Variants in AIMP1 observed in about 807,000 individuals in gnomAD.
The protein encoded by AIMP1 is aminoacyl tRNA synthase complex-interacting multifunctional protein 1.
A neutral mutation model predicts 33.1 loss-of-function variants in AIMP1; 24 were observed. The ratio of observed to expected loss-of-function variants is 0.73; its 90% CI spans 0.53 to 1.02. The LOEUF is 1.02. AIMP1 is among the 50% of genes least tolerant of loss of function. AIMP1 has a pLI of 0.00. For missense variants in AIMP1, 367 were observed against 364.8 expected (o/e 1.01, Z -0.05); for synonymous variants, 120 against 121.5 (o/e 0.99, Z 0.08).
chr4:106,345,156 T>C (rs2125929760), intron 6 of AIMP1, among the ~76,000 whole-genome samples: 1 of 152,340 alleles, frequency 6.6e-6, no homozygotes, highest in East Asian at 1.9e-4. Context: ...AGGTTAATTT[T>C]GTGCTGCATC....
At chr4:106,342,721 A>G (rs368904539) in intron 6 of AIMP1, among the ~76,000 whole-genome samples, 12 of 152,276 alleles carry the variant, frequency 7.9e-5, no homozygotes, top group African/African-American at 2.9e-4. Flanking sequence ...AGTGTTCATC[A>G]GAGATATTGG....
chr4:106,316,326 T>C (rs1330374601), upstream of AIMP1: 75 of 555,328 alleles, frequency 1.4e-4, no homozygotes, highest in East Asian at 2.3e-3. Context: ...CGAAAGGACA[T>C]ATAGCGAGAG....
intron 4 of AIMP1, among the ~76,000 whole-genome samples, chr4:106,329,067 A>G (rs1413691631): frequency 1.4e-5 from 2 of 145,248 alleles, no homozygotes; most frequent in African/African-American, 5.1e-5. Flanking sequence ...TTTGGAAAAT[A>G]TAACATGCAG....
intron 4 of AIMP1, among the ~76,000 whole-genome samples, chr4:106,328,830 C>T (rs962374925): frequency 6.6e-6 from 1 of 152,160 alleles, no homozygotes; most frequent in African/African-American, 2.4e-5. Flanking sequence ...CAGCTCTGCT[C>T]TTTCTTTTCA....
intron 5 of AIMP1, among the ~76,000 whole-genome samples, chr4:106,332,162 T>C (rs1375980147): frequency 6.6e-6 from 1 of 152,038 alleles, no homozygotes; most frequent in Non-Finnish European, 1.5e-5. Flanking sequence ...GTATTTTGCA[T>C]TAAAAAACTA....
chr4:106,329,701 A>C (rs1417262768), intron 4 of AIMP1, among the ~76,000 whole-genome samples: 1 of 148,218 alleles, frequency 6.7e-6, no homozygotes, highest in Non-Finnish European at 1.5e-5. Context: ...TTTAGCTGCT[A>C]GCTAGGACTG....
intron 1 of AIMP1, among the ~76,000 whole-genome samples, chr4:106,324,414 A>G (rs936072640): frequency 1.6e-4 from 24 of 152,004 alleles, no homozygotes; most frequent in Non-Finnish European, 1.5e-4. Flanking sequence ...ATTTATTATA[A>G]AACTAAAATT....
chr4:106,316,222 G>T (rs1768844712), upstream of AIMP1: 2 of 260,014 alleles, frequency 7.7e-6, no homozygotes, highest in South Asian at 1.5e-4. Flanking sequence ...CCTCCCCTCA[G>T]CCTGGCCTTT....
rs1205615264 is a variant in AIMP1 at position 106,331,805 on chromosome 4, T to C, written c.525T>C (p.Tyr175=). ...ARKHPDADSL[Y]VEEVDVGEIA... is the part of the protein sequence containing the mutation. ...AACACCCTGATGCAGATTCTTTGTA[T>C]GTGGAAGAAGTAGATGTCGGAGAAA... Residue 175 remains tyrosine (Y), a synonymous_variant, in exon 5 of 7, where the codon TAT becomes TAC. Coordinates refer to ENST00000672341, the MANE Select transcript of AIMP1 (RefSeq NM_001142416.2). 1 of 1,614,036 alleles carries C rather than the reference T, an allele frequency of 6.2e-7. No homozygotes were observed. Among genetic ancestry groups the C allele is most frequent in the African/African-American group, 1.3e-5 (1 of 74,934 alleles).
chr4:106,316,361 G>T (rs574021089), upstream of AIMP1: 1 of 609,744 alleles, frequency 1.6e-6, no homozygotes. Flanking sequence ...GGGGACGGGG[G>T]GGGTCGATTG....
chr4:106,319,171 C>T (rs1561019618), intron 1 of AIMP1, among the ~76,000 whole-genome samples: 1 of 152,050 alleles, frequency 6.6e-6, no homozygotes, highest in Non-Finnish European at 1.5e-5. Flanking sequence ...TAAAAGTCTG[C>T]CTGTAAAACT....
intron 1 of AIMP1, among the ~76,000 whole-genome samples, chr4:106,318,402 G>A (rs994466554): frequency 1.3e-5 from 2 of 152,140 alleles, no homozygotes; most frequent in Admixed American, 1.3e-4. Flanking sequence ...GTCTTTCAGT[G>A]TGGGGTATTT....
intron 1 of AIMP1, 68 bp from the exon 2 acceptor site, chr4:106,324,917 T>A: frequency 4.6e-6 from 6 of 1,296,564 alleles, no homozygotes; most frequent in Non-Finnish European, 6.1e-6. Flanking sequence ...GACTGCTTTT[T>A]CATAGTGGCC....
chr4:106,319,204 C>T (rs1471029236), intron 1 of AIMP1, among the ~76,000 whole-genome samples: 3 of 152,042 alleles, frequency 2.0e-5, no homozygotes, highest in South Asian at 2.1e-4. Flanking sequence ...TAGTAACTTA[C>T]TTATGTTTGA....
chr4:106,331,071 A>G (rs1286739042), intron 4 of AIMP1, among the ~76,000 whole-genome samples: 1 of 152,248 alleles, frequency 6.6e-6, no homozygotes, highest in East Asian at 1.9e-4. Context: ...AATCTAAGAA[A>G]TGGAGAAATT....
At position 106,347,896 on chromosome 4, in the gene AIMP1, A is replaced by G. The variant is rs3805411; in HGVS notation, c.*204A>G. 0.17 allele frequency: 77,503 copies of G among 461,568 alleles called. 7,018 individuals carry two copies. Among genetic ancestry groups the G allele is most frequent in the South Asian group, 0.25 (7,433 of 29,874 alleles). 28.6% of individuals were successfully genotyped at this position (461,568 alleles called of 1,614,324 possible). ...CTCGGTTTTTGATCATTTATAATGG[A>G]GAGAGGAAGTTGCCTATGTTTTGTA... On this transcript the variant is annotated 3_prime_UTR_variant, in exon 7 of 7. Transcript: ENST00000672341.
At chr4:106,319,468 A>G (rs929157009) in intron 1 of AIMP1, among the ~76,000 whole-genome samples, 1 of 152,178 alleles carries the variant, frequency 6.6e-6, no homozygotes, top group Non-Finnish European at 1.5e-5. Context: ...GGTTTGATGA[A>G]GTATGATAAT....
At chr4:106,337,293 T>C (rs1390195475) in intron 6 of AIMP1, among the ~76,000 whole-genome samples, 1 of 152,182 alleles carries the variant, frequency 6.6e-6, no homozygotes, top group Non-Finnish European at 1.5e-5. Context: ...CACCAAAATC[T>C]CATCTTGAAT....
chr4:106,344,528 T>G (rs1427353078), intron 6 of AIMP1, among the ~76,000 whole-genome samples: 1 of 152,172 alleles, frequency 6.6e-6, no homozygotes, highest in Non-Finnish European at 1.5e-5. Context: ...AAAGCCAACA[T>G]CTCTTTTCTG....
Sources: gnomAD v4.1 joint callset for allele counts (sites outside exome capture counted in the v4.1 genomes callset) on GRCh38, gnomAD v4.1.1 for gene constraint, MANE v1.5 for transcripts, NCBI Gene and HGNC (gene_info 2026-07-23, HGNC 2026-07-21) for gene names.